The following TRAPPC8 variants were observed in gnomAD, a reference collection of about 807,000 sequenced individuals.
TRAPPC8 encodes the protein trafficking protein particle complex subunit 8.
Under a neutral mutation model 174.3 loss-of-function variants are expected in TRAPPC8, and 54 were observed. That is an observed-to-expected ratio of 0.31 (90% CI 0.25 to 0.39). The LOEUF (loss-of-function observed/expected upper bound fraction) is 0.39, where lower values mean the gene tolerates loss of function less well. TRAPPC8 is among the 10% of genes least tolerant of loss of function. The pLI, the probability that TRAPPC8 is intolerant of heterozygous loss-of-function variation, is 1.00. For missense variants in TRAPPC8, 1,531 were observed against 1,699.1 expected (o/e 0.90, Z 1.74); for synonymous variants, 630 against 579.9 (o/e 1.09, Z -1.24).
chr18:31,833,613 A>G (rs1172278329), intron 27 of TRAPPC8, among the ~76,000 whole-genome samples: 3 of 152,174 alleles, frequency 2.0e-5, no homozygotes, highest in Non-Finnish European at 4.4e-5. Flanking sequence ...CTCACACTTG[A>G]GTATGCACCA....
rs35938138 is a variant in TRAPPC8 at position 31,870,091 on chromosome 18, C to CA, written c.2388+280dup. 3.5e-3 allele frequency: 533 copies of CA among 152,460 alleles called. 2 individuals carry two copies. The highest frequency in any genetic ancestry group is 0.011 in the East Asian group (60 of 5,556). The allele number at this position is 152,460 out of a possible 1,614,324, so 9.4% of individuals were successfully genotyped here. A position where few individuals can be genotyped will look rare whatever the true frequency, so the allele number is the denominator to read the frequency against. On this transcript the variant is annotated intron_variant, in intron 16 of 28. Transcript: ENST00000283351. ...TGGGCAACAGCGTGAGACTCTGTCTCAAAAAAAAAAAAAATAAAAACAAAA... is the reference window on the plus strand; with the variant it reads ...TGGGCAACAGCGTGAGACTCTGTCTCAAAAAAAAAAAAAAATAAAAACAAAA...
Position 31,871,113 on chromosome 18 carries a change from T to G in TRAPPC8, c.2070A>C (p.Lys690Asn). The stretch of plus-strand genomic sequence containing the variant: ...CAAGACTTACATGAGTAGCTGCTTG[T>G]TTTTCACCTAAAAAAAATTTGTTAA... ...GHDRRPADGE[K>N]QAATHVSLDQ... is the part of the protein sequence containing the mutation. Residue 690 changes from lysine to asparagine, a missense_variant, in exon 15 of 29, where the codon AAA (lysine) becomes AAC (asparagine). Coordinates refer to ENST00000283351, the MANE Select transcript of TRAPPC8 (RefSeq NM_014939.5). The G allele has an allele frequency of 6.5e-7, 1 of 1,532,186 alleles. No individual in the cohort carries two copies. Among genetic ancestry groups the G allele is most frequent in the Non-Finnish European group, 8.8e-7 (1 of 1,133,484 alleles). 94.9% of individuals were successfully genotyped at this position (1,532,186 alleles called of 1,614,324 possible).
chr18:31,915,937 A>T (rs1285744691), intron 4 of TRAPPC8, among the ~76,000 whole-genome samples: 1 of 145,898 alleles, frequency 6.9e-6, no homozygotes, highest in Non-Finnish European at 1.5e-5. Context: ...GGCACCTGTA[A>T]TTCCAGCTAC....
chr18:31,886,272 G>A (rs1050396351), intron 12 of TRAPPC8, among the ~76,000 whole-genome samples: 5 of 143,962 alleles, frequency 3.5e-5, no homozygotes, highest in African/African-American at 1.3e-4. Context: ...GCCTCTCAAA[G>A]TGCTGGGATT....
intron 1 of TRAPPC8, among the ~76,000 whole-genome samples, chr18:31,935,925 G>C (rs1248502299): frequency 6.6e-6 from 1 of 151,420 alleles, no homozygotes; most frequent in Non-Finnish European, 1.5e-5. Context: ...TTTTAGTAGA[G>C]ACGAGGTTTC....
intron 24 of TRAPPC8, among the ~76,000 whole-genome samples, chr18:31,851,279 T>A (rs868347980): frequency 6.6e-6 from 1 of 152,134 alleles, no homozygotes; most frequent in Non-Finnish European, 1.5e-5. Context: ...CCACCCAAGA[T>A]ATAATCAACC....
At position 31,846,665 on chromosome 18, in the gene TRAPPC8, A is replaced by C. The variant is rs141778061; in HGVS notation, c.3837+51T>G. ...AAGCCAACCAACCAAACAACAACAA[A>C]AAAAAACCCACAAGTTCACCAGAAA... On this transcript the variant is annotated intron_variant, in intron 26 of 28. Transcript: ENST00000283351. 5,609 of 1,437,856 alleles carry C rather than the reference A, an allele frequency of 3.9e-3. 44 individuals carry two copies. The highest frequency in any genetic ancestry group is 0.027 in the African/African-American group (1,908 of 69,994). 89.1% of individuals were successfully genotyped at this position (1,437,856 alleles called of 1,614,324 possible).
In TRAPPC8 at chr18:31,837,583, C is replaced by T. The variant is rs144258351; in HGVS notation, c.3983+1729G>A. Among the ~76,000 whole-genome samples the T allele has an allele frequency of 6.2e-3, 940 of 152,138 alleles. 12 individuals are homozygous for T. The highest frequency in any genetic ancestry group is 0.022 in the African/African-American group (900 of 41,472). On this transcript the variant is annotated intron_variant, in intron 27 of 28. Coordinates refer to ENST00000283351, the MANE Select transcript of TRAPPC8 (RefSeq NM_014939.5). ...GGTGTACAGTGCATGCCTGTAATCC[C>T]AGCTACTCAAAGGCTGAGGCACGAG...
intron 9 of TRAPPC8, among the ~76,000 whole-genome samples, chr18:31,905,889 T>C (rs2036634884): frequency 6.6e-6 from 1 of 152,168 alleles, no homozygotes; most frequent in Non-Finnish European, 1.5e-5. Context: ...TAAATAAAAA[T>C]TTCTCATTAC....
intron 4 of TRAPPC8, 138 bp from the exon 5 acceptor site, chr18:31,913,660 G>A: frequency 1.5e-6 from 1 of 648,020 alleles, no homozygotes; most frequent in Non-Finnish European, 2.4e-6. Flanking sequence ...TATAAAAGAG[G>A]ACATAAGAAT....
At chr18:31,836,928 AT>A (rs372224783) in intron 27 of TRAPPC8, among the ~76,000 whole-genome samples, 27 of 151,744 alleles carry the variant, frequency 1.8e-4, no homozygotes, top group Admixed American at 5.3e-4. Flanking sequence ...CACCCGGCTA[AT>A]TTTTTTGTAT....
chr18:31,933,300 CAAAAAAAAA>C (rs770309579), intron 1 of TRAPPC8, among the ~76,000 whole-genome samples: 1 of 91,606 alleles, frequency 1.1e-5, no homozygotes, highest in Non-Finnish European at 2.2e-5. Context: ...GACTCCGTCT[CAAAAAAAAA>C]AAAAAAAAAA....
intron 1 of TRAPPC8, among the ~76,000 whole-genome samples, chr18:31,933,296 G>GTC (rs1352759032): frequency 3.5e-5 from 4 of 115,076 alleles, no homozygotes; most frequent in African/African-American, 1.4e-4. Context: ...GCGAGACTCC[G>GTC]TCTCAAAAAA....
chr18:31,916,563 C>CAGAA, intron 3 of TRAPPC8, 117 bp from the exon 4 acceptor site: 2 of 1,066,884 alleles, frequency 1.9e-6, no homozygotes, highest in Non-Finnish European at 2.6e-6. Flanking sequence ...GACAAAGTCT[C>CAGAA]ACTCTGTAGC....
intron 20 of TRAPPC8, among the ~76,000 whole-genome samples, chr18:31,856,158 G>T (rs1464118205): frequency 1.3e-5 from 2 of 151,682 alleles, no homozygotes; most frequent in Non-Finnish European, 2.9e-5. Context: ...AGGTGGGAGT[G>T]CAGTGGGGTG....
chr18:31,832,068 C>CT lies in TRAPPC8; in HGVS notation c.4073+15dup. 6.7e-7 allele frequency: 1 copy of CT among 1,501,698 alleles called. No individual in the cohort carries two copies. The highest frequency in any genetic ancestry group is 8.9e-7 in the Non-Finnish European group (1 of 1,119,996). The allele number at this position is 1,501,698 out of a possible 1,614,324, so 93.0% of individuals were successfully genotyped here. On this transcript the variant is annotated intron_variant, in intron 28 of 28. Transcript: ENST00000283351. The stretch of plus-strand genomic sequence containing the variant: ...TGCTCCCAAATCAAATAACCTTGCA[C>CT]TAAACAAATCTTTACCTTGTTGTTT...
chr18:31,843,819 A>G (rs1230850973), intron 26 of TRAPPC8, among the ~76,000 whole-genome samples: 4 of 152,196 alleles, frequency 2.6e-5, no homozygotes, highest in Non-Finnish European at 5.9e-5. Context: ...CAAATCCTCA[A>G]TCAACAGATT....
intron 9 of TRAPPC8, 88 bp downstream of exon 9, chr18:31,907,372 C>T: frequency 7.7e-7 from 1 of 1,306,698 alleles, no homozygotes; most frequent in Non-Finnish European, 1.0e-6. Context: ...ACAACTTTAT[C>T]CCTAAGGATT....
rs749631757 is a variant in TRAPPC8 at position 31,857,952 on chromosome 18, G to C, written c.2776C>G (p.Leu926Val). The C allele has an allele frequency of 6.2e-7, 1 of 1,612,774 alleles. No individual in the cohort carries two copies. The highest frequency in any genetic ancestry group is 2.2e-5 in the East Asian group (1 of 44,868). ...VFFIHFPTGL[L>V]CGEIRKAYVE... ...TATGCTTTTCGGATTTCTCCACAGA[G>C]AAGCCCTGTAGGAAAATGTATAAAG... The change falls in exon 20 of 29, where the codon CTC becomes GTC. Residue 926 changes from leucine (L) to valine (V), a missense_variant. Coordinates refer to ENST00000283351, the MANE Select transcript of TRAPPC8 (RefSeq NM_014939.5).
Sources: allele counts gnomAD v4.1 joint callset (sites outside exome capture counted in the v4.1 genomes callset), GRCh38; gene constraint gnomAD v4.1.1; transcripts MANE v1.5; gene names NCBI Gene and HGNC (gene_info 2026-07-23, HGNC 2026-07-21).